CADPS: variants seen among roughly 807,000 people sequenced by gnomAD.
CADPS encodes the protein calcium dependent secretion activator.
A neutral mutation model predicts 167.3 loss-of-function variants in CADPS; 57 were observed. The ratio of observed to expected loss-of-function variants is 0.34; its 90% confidence interval spans 0.28 to 0.42. The LOEUF is 0.42. Ranked by LOEUF, CADPS falls within the 20% of genes least tolerant of loss-of-function variation. The probability of loss-of-function intolerance (pLI) is 1.00; values close to 1 mark genes in which losing one functional copy is unlikely to be tolerated. For synonymous variants in CADPS, 676 were observed against 635.3 expected, an observed-to-expected ratio of 1.06 and a Z score of -0.96; for missense variants, 1,414 against 1,738.1, an observed-to-expected ratio of 0.81 and a Z score of 3.32.
At chr3:62,721,818 G>A (rs6777645) in intron 3 of CADPS, among the ~76,000 whole-genome samples, 83,257 of 143,026 alleles carry the variant, frequency 0.58, 23,174 homozygotes, top group East Asian at 0.73. Flanking sequence ...TTTTAAATCC[G>A]CATTTTGCAA....
At chr3:62,504,558 TA>T (rs1315709871) in intron 17 of CADPS, among the ~76,000 whole-genome samples, 2 of 152,218 alleles carry the variant, frequency 1.3e-5, no homozygotes, top group African/African-American at 4.8e-5. Context: ...ATATTTCAGC[TA>T]AATGGGTCTT....
chr3:62,534,459 C>T (rs1304443565), intron 12 of CADPS, among the ~76,000 whole-genome samples: 2 of 152,144 alleles, frequency 1.3e-5, no homozygotes, highest in Admixed American at 6.5e-5. Flanking sequence ...CTGCAGAGGG[C>T]GGAGAGTAGT....
chr3:62,825,450 C>T (rs553320903), intron 1 of CADPS, among the ~76,000 whole-genome samples: 44 of 152,204 alleles, frequency 2.9e-4, no homozygotes, highest in African/African-American at 8.7e-4. Flanking sequence ...TCTGAAACTC[C>T]GGGCGTGGAG....
chr3:62,481,963 T>G, intron 21 of CADPS, 94 bp from the exon 22 acceptor site: 1 of 1,279,746 alleles, frequency 7.8e-7, no homozygotes, highest in Non-Finnish European at 1.1e-6. Context: ...ATTGACCAAG[T>G]CCACAGCAAG....
At position 62,870,072 on chromosome 3, in the gene CADPS, C is replaced by T. The variant is rs543417100; in HGVS notation, c.441+4517G>A. On this transcript the variant is annotated intron_variant, in intron 1 of 29. Transcript: ENST00000383710. ...GAGGCAAGAACCTTTCATGGTATTC[C>T]GCATCTTCAGAAAGTCTCTGCTATC... Among the ~76,000 whole-genome samples, 16 of 152,162 alleles carry T rather than the reference C, an allele frequency of 1.1e-4. 1 individual carries two copies. The South Asian group carries it at 1.4e-3, about 14-fold the overall frequency.
At chr3:62,671,811 G>T (rs969365851) in intron 3 of CADPS, among the ~76,000 whole-genome samples, 2 of 152,120 alleles carry the variant, frequency 1.3e-5, no homozygotes, top group Non-Finnish European at 2.9e-5. Context: ...CGCCAGGCTG[G>T]AGTGCCAGTG....
At position 62,421,230 on chromosome 3, in the gene CADPS, C is replaced by G. The variant is rs2051305588; in HGVS notation, c.3777+16874G>C. Among the ~76,000 whole-genome samples, 1 of 152,028 alleles carries G rather than the reference C, an allele frequency of 6.6e-6. No individual in the cohort carries two copies. The stretch of plus-strand genomic sequence containing the variant: ...TGCTTCTCGTCCACAAGGCTCCCTC[C>G]CCCTTCCTCCCCACACCCCCCACCC... On this transcript the variant is annotated intron_variant, in intron 28 of 29. Transcript: ENST00000383710. The surrounding 1 kb of genome is among the most constrained non-coding windows in gnomAD (Gnocchi z 4.7).
chr3:62,628,143 C>A (rs1286262276), intron 6 of CADPS, among the ~76,000 whole-genome samples: 1 of 152,082 alleles, frequency 6.6e-6, no homozygotes, highest in Non-Finnish European at 1.5e-5. Context: ...TAAGCATATC[C>A]AGATTGGAGA....
chr3:62,857,985 T>C (rs1488930238), intron 1 of CADPS, among the ~76,000 whole-genome samples: 2 of 152,164 alleles, frequency 1.3e-5, no homozygotes, highest in African/African-American at 4.8e-5. Context: ...TTCCTACAAA[T>C]ATGATTTCCA....
chr3:62,796,007 G>A (rs369564188), intron 1 of CADPS: 1 of 152,276 alleles, frequency 6.6e-6, no homozygotes, highest in Admixed American at 6.5e-5. Flanking sequence ...CATGGGCCAG[G>A]TCATGGAAAG....
intron 7 of CADPS, among the ~76,000 whole-genome samples, chr3:62,590,633 A>C (rs961813117): frequency 6.6e-6 from 1 of 151,998 alleles, no homozygotes; most frequent in Non-Finnish European, 1.5e-5. Flanking sequence ...AGATTGGAAA[A>C]ATGGGTGAAA....
intron 9 of CADPS, 69 bp from the exon 10 acceptor site, chr3:62,557,582 G>A (rs1333173742): frequency 1.7e-6 from 2 of 1,190,794 alleles, no homozygotes; most frequent in East Asian, 2.3e-5. Context: ...CCTCCCCCAT[G>A]TTCTCTCCTC....
In CADPS at chr3:62,594,152, ATTTTT is replaced by A. The variant is rs1322670285; in HGVS notation, c.1326-1409_1326-1405del. ...TTTATTTTTTTTATTTATTTTTTTT[ATTTTT>A]TTTATTTATTTATTTATTTTTTGAG... is the stretch of plus-strand genomic sequence containing the variant. On this transcript the variant is annotated intron_variant, in intron 6 of 29. Coordinates refer to ENST00000383710, the MANE Select transcript of CADPS (RefSeq NM_003716.4). Among the ~76,000 whole-genome samples the A allele has an allele frequency of 3.5e-3, 479 of 137,388 alleles. 4 individuals carry two copies. Among genetic ancestry groups the A allele is most frequent in the South Asian group, 0.018 (77 of 4,362 alleles). The allele number at this position is 137,388 out of a possible 152,430, so 90.1% of individuals were successfully genotyped here.
intron 19 of CADPS, among the ~76,000 whole-genome samples, chr3:62,493,105 G>A (rs970396221): frequency 6.6e-6 from 1 of 152,166 alleles, no homozygotes; most frequent in Admixed American, 6.6e-5. Flanking sequence ...GTAAGATCAG[G>A]AGTTACTTTT....
At chr3:62,721,932 CTAA>C (rs2075914951) in intron 3 of CADPS, among the ~76,000 whole-genome samples, 2 of 152,228 alleles carry the variant, frequency 1.3e-5, no homozygotes, top group South Asian at 4.1e-4. Flanking sequence ...AAACATGATG[CTAA>C]TGACAACCAC....
chr3:62,840,857 C>T (rs2076556327), intron 1 of CADPS, among the ~76,000 whole-genome samples: 1 of 152,148 alleles, frequency 6.6e-6, no homozygotes, highest in Non-Finnish European at 1.5e-5. Context: ...CCAAATGATA[C>T]AGATTCTTGT....
intron 1 of CADPS, among the ~76,000 whole-genome samples, chr3:62,822,701 G>A (rs1214860258): frequency 6.6e-6 from 1 of 152,064 alleles, no homozygotes; most frequent in Non-Finnish European, 1.5e-5. Flanking sequence ...AATTAGCTGG[G>A]CGTGGTAGCG....
At chr3:62,684,339 G>C (rs974527329) in intron 3 of CADPS, among the ~76,000 whole-genome samples, 1 of 151,934 alleles carries the variant, frequency 6.6e-6, no homozygotes, top group Non-Finnish European at 1.5e-5. Context: ...CCATCATTTG[G>C]GGGGATTTTT....
At chr3:62,529,523 C>T (rs770363790) in intron 13 of CADPS, among the ~76,000 whole-genome samples, 20 of 152,192 alleles carry the variant, frequency 1.3e-4, no homozygotes, top group Non-Finnish European at 1.5e-4. Flanking sequence ...CACTTTCTTC[C>T]TAATTGCAAG....
Sources: allele counts gnomAD v4.1 joint callset (sites outside exome capture counted in the v4.1 genomes callset), GRCh38; gene constraint gnomAD v4.1.1; non-coding constraint Gnocchi (gnomAD v3.1); transcripts MANE v1.5; gene names NCBI Gene and HGNC (gene_info 2026-07-23, HGNC 2026-07-21).